The following ASAP1 variants were observed in gnomAD, a reference collection of about 807,000 sequenced individuals.
The protein encoded by ASAP1 is ArfGAP with SH3 domain, ankyrin repeat and PH domain 1, also known as arf-GAP with SH3 domain, ANK repeat and PH domain-containing protein 1.
A neutral mutation model predicts 145.2 loss-of-function variants in ASAP1; 43 were observed. That is an observed-to-expected ratio of 0.30 (90% CI 0.23 to 0.38). The LOEUF is 0.38. Ranked by LOEUF, ASAP1 falls within the 10% of genes least tolerant of loss-of-function variation. ASAP1 has a pLI of 1.00. For synonymous variants in ASAP1, 546 were observed against 515.5 expected, an observed-to-expected ratio of 1.06 and a Z score of -0.80; for missense variants, 1,018 against 1,355.3, an observed-to-expected ratio of 0.75 and a Z score of 3.91.
At chr8:130,394,340 G>A (rs904062865) in intron 2 of ASAP1, among the ~76,000 whole-genome samples, 1 of 152,136 alleles carries the variant, frequency 6.6e-6, no homozygotes, top group South Asian at 2.1e-4. Flanking sequence ...ATCTTCTATG[G>A]TCGAGACTGT....
At chr8:130,171,615 G>C (rs1424622565) in intron 9 of ASAP1, among the ~76,000 whole-genome samples, 4 of 152,188 alleles carry the variant, frequency 2.6e-5, no homozygotes, top group Non-Finnish European at 5.9e-5. Flanking sequence ...TGAGATTTGG[G>C]TGGGGACATG....
chr8:130,356,985 T>A (rs529617918), intron 3 of ASAP1, among the ~76,000 whole-genome samples: 9 of 152,244 alleles, frequency 5.9e-5, no homozygotes, highest in African/African-American at 2.2e-4. Flanking sequence ...CACCCAATGG[T>A]GCCATTTTCA....
intron 1 of ASAP1, among the ~76,000 whole-genome samples, chr8:130,403,124 T>G (rs2138583626): frequency 6.6e-6 from 1 of 152,290 alleles, no homozygotes; most frequent in East Asian, 1.9e-4. Flanking sequence ...CAGTCATAAA[T>G]ATTACCGCAT....
At chr8:130,336,698 G>T (rs1825057787) in intron 3 of ASAP1, among the ~76,000 whole-genome samples, 1 of 152,082 alleles carries the variant, frequency 6.6e-6, no homozygotes, top group Non-Finnish European at 1.5e-5. Flanking sequence ...CCAACCAGGG[G>T]GAAAAATACT....
At chr8:130,273,150 G>T (rs1264274422) in intron 3 of ASAP1, among the ~76,000 whole-genome samples, 2 of 151,934 alleles carry the variant, frequency 1.3e-5, no homozygotes, top group African/African-American at 4.8e-5. Context: ...AAGAACAGAG[G>T]GGCTAATCTA....
intron 3 of ASAP1, among the ~76,000 whole-genome samples, chr8:130,238,949 C>T (rs1818369969): frequency 6.6e-6 from 1 of 152,126 alleles, no homozygotes. Flanking sequence ...CTTATCACAT[C>T]CACTGCCTAC....
intron 3 of ASAP1, among the ~76,000 whole-genome samples, chr8:130,265,583 A>G (rs1188058410): frequency 6.6e-6 from 1 of 151,730 alleles, no homozygotes; most frequent in Non-Finnish European, 1.5e-5. Flanking sequence ...TAAAAAAAAA[A>G]AAAAAAAAAG....
intron 24 of ASAP1, among the ~76,000 whole-genome samples, chr8:130,095,037 C>T (rs1380185263): frequency 6.6e-6 from 1 of 152,150 alleles, no homozygotes; most frequent in Non-Finnish European, 1.5e-5. Flanking sequence ...TAACCATAAA[C>T]CATGTAAAAT....
chr8:130,293,736 A>G (rs1445976138), intron 3 of ASAP1, among the ~76,000 whole-genome samples: 2 of 152,204 alleles, frequency 1.3e-5, no homozygotes, highest in Admixed American at 6.6e-5. Flanking sequence ...CTATCTCATG[A>G]GGCTACAAAT....
At chr8:130,070,335 C>G (rs2097440337) in intron 27 of ASAP1, among the ~76,000 whole-genome samples, 1 of 152,134 alleles carries the variant, frequency 6.6e-6, no homozygotes, top group Non-Finnish European at 1.5e-5. Context: ...CCGTGCCCGG[C>G]CGACTGCATC....
At chr8:130,312,097 A>G (rs1458412471) in intron 3 of ASAP1, among the ~76,000 whole-genome samples, 2 of 151,892 alleles carry the variant, frequency 1.3e-5, no homozygotes, top group African/African-American at 4.8e-5. Flanking sequence ...ATAACATAGC[A>G]AGACCCAGTC....
At chr8:130,118,065 G>C (rs1188835740) in intron 20 of ASAP1, 96 bp downstream of exon 20, 2 of 995,006 alleles carry the variant, frequency 2.0e-6, no homozygotes, top group Non-Finnish European at 3.0e-6. Context: ...CACAGAAAAA[G>C]CTTGCCAATT....
intron 5 of ASAP1, among the ~76,000 whole-genome samples, chr8:130,212,147 T>C (rs1816624074): frequency 6.6e-6 from 1 of 152,236 alleles, no homozygotes; most frequent in African/African-American, 2.4e-5. Context: ...TGTTGTCAAG[T>C]TGTGTAAACT....
intron 18 of ASAP1, 52 bp downstream of exon 18, chr8:130,123,960 GA>G: frequency 7.4e-7 from 1 of 1,352,580 alleles, no homozygotes; most frequent in South Asian, 1.2e-5. Context: ...TGGAAGGGTA[GA>G]AAAACAATTA....
chr8:130,241,679 A>G (rs1818535863), intron 3 of ASAP1, among the ~76,000 whole-genome samples: 1 of 152,160 alleles, frequency 6.6e-6, no homozygotes, highest in African/African-American at 2.4e-5. Flanking sequence ...CATATCTAAT[A>G]TGTATAGCCA....
chr8:130,174,282 G>C (rs996166236), intron 9 of ASAP1, among the ~76,000 whole-genome samples: 1 of 152,180 alleles, frequency 6.6e-6, no homozygotes, highest in Non-Finnish European at 1.5e-5. Context: ...ACAGATAAAA[G>C]TGTTGTTAGC....
chr8:130,266,884 T>TA (rs1323081692), intron 3 of ASAP1, among the ~76,000 whole-genome samples: 1 of 151,962 alleles, frequency 6.6e-6, no homozygotes, highest in Non-Finnish European at 1.5e-5. Context: ...ATGAGAGAAT[T>TA]AGTTAACTGG....
chr8:130,284,072 T>G (rs539188736), intron 3 of ASAP1, among the ~76,000 whole-genome samples: 1 of 152,284 alleles, frequency 6.6e-6, no homozygotes, highest in South Asian at 2.1e-4. Context: ...CCGCCTTAAA[T>G]TTCCAGTTCA....
intron 2 of ASAP1, among the ~76,000 whole-genome samples, chr8:130,374,777 G>A (rs1827402900): frequency 1.3e-5 from 2 of 152,136 alleles, no homozygotes; most frequent in Admixed American, 1.3e-4. Context: ...TCCTAGTCCT[G>A]GAAAAGGTCA....
Sources: gnomAD v4.1 joint callset for allele counts (sites outside exome capture counted in the v4.1 genomes callset) on GRCh38, gnomAD v4.1.1 for gene constraint, MANE v1.5 for transcripts, NCBI Gene and HGNC (gene_info 2026-07-23, HGNC 2026-07-21) for gene names.